PHACTR1: variants seen among roughly 807,000 people sequenced by gnomAD.
PHACTR1 encodes phosphatase and actin regulator 1, also known as RPEL repeat containing 1.
Under a neutral mutation model 69.2 loss-of-function variants are expected in PHACTR1, and 16 were observed. That is an observed-to-expected ratio of 0.23 (90% CI 0.16 to 0.35). The LOEUF (loss-of-function observed/expected upper bound fraction) is 0.35, where lower values mean the gene tolerates loss of function less well. Ranked by LOEUF, PHACTR1 falls within the 10% of genes least tolerant of loss-of-function variation. The probability of loss-of-function intolerance (pLI) is 1.00; values close to 1 mark genes in which losing one functional copy is unlikely to be tolerated. For missense variants in PHACTR1, 510 were observed against 734.7 expected, an observed-to-expected ratio of 0.69 and a Z score of 3.54; for synonymous variants, 312 against 284.5, an observed-to-expected ratio of 1.10 and a Z score of -0.97.
At chr6:13,010,327 C>G (rs1479484596) in intron 4 of PHACTR1, among the ~76,000 whole-genome samples, 1 of 152,126 alleles carries the variant, frequency 6.6e-6, no homozygotes, top group Non-Finnish European at 1.5e-5. Flanking sequence ...AGGGTTTCAC[C>G]ATGTTGGCCA....
At chr6:13,072,556 GT>G (rs1554121061) in intron 5 of PHACTR1, among the ~76,000 whole-genome samples, 1 of 151,530 alleles carries the variant, frequency 6.6e-6, no homozygotes, top group Non-Finnish European at 1.5e-5. Flanking sequence ...TCTCTTTTTT[GT>G]TTTTTAAAGT....
chr6:13,244,249 A>G (rs577863875), intron 10 of PHACTR1, among the ~76,000 whole-genome samples: 13 of 151,868 alleles, frequency 8.6e-5, no homozygotes, highest in African/African-American at 2.9e-4. Context: ...GGTGACAGAC[A>G]TCAAGTACTT....
Position 13,133,362 on chromosome 6 carries a change from T to G in PHACTR1, c.416-26842T>G, listed in dbSNP as rs541700233. ...ATGCCAAACGGAGGCCGGACTGTAA[T>G]GCCGCCATCTCGGCTCACTGCACCC... On this transcript the variant is annotated intron_variant, in intron 5 of 14. Transcript: ENST00000332995. 6.6e-5 allele frequency among the ~76,000 whole-genome samples: 10 copies of G among 151,508 alleles called. No homozygotes were observed. The East Asian group carries it at 1.8e-3, about 27-fold the overall frequency.
At chr6:13,157,531 G>A (rs942422404) in intron 5 of PHACTR1, among the ~76,000 whole-genome samples, 4 of 152,192 alleles carry the variant, frequency 2.6e-5, no homozygotes, top group African/African-American at 9.7e-5. Context: ...TGTCCAGATG[G>A]CTGAGTGCTT....
intron 3 of PHACTR1, among the ~76,000 whole-genome samples, chr6:12,726,200 T>C (rs537886512): frequency 8.5e-5 from 13 of 152,316 alleles, no homozygotes; most frequent in Admixed American, 8.5e-4. Flanking sequence ...ATCAATCTTT[T>C]AAAATAGACT....
intron 4 of PHACTR1, among the ~76,000 whole-genome samples, chr6:12,994,947 A>G (rs2127612547): frequency 6.6e-6 from 1 of 152,288 alleles, no homozygotes; most frequent in East Asian, 1.9e-4. Flanking sequence ...GAGTTTGTTA[A>G]TCATAGACCC....
intron 4 of PHACTR1, among the ~76,000 whole-genome samples, chr6:12,888,578 A>G (rs1217152106): frequency 6.6e-6 from 1 of 152,206 alleles, no homozygotes; most frequent in Non-Finnish European, 1.5e-5. Flanking sequence ...ACTCTTTTAA[A>G]TGCCCATTAA....
intron 4 of PHACTR1, among the ~76,000 whole-genome samples, chr6:12,754,178 T>A (rs1370042964): frequency 2.0e-5 from 3 of 148,866 alleles, no homozygotes. Flanking sequence ...TTTCACTGTA[T>A]TAGACAAGAT....
intron 5 of PHACTR1, among the ~76,000 whole-genome samples, chr6:13,054,348 C>T (rs539990129): frequency 3.3e-5 from 5 of 152,294 alleles, no homozygotes; most frequent in African/African-American, 9.6e-5. Context: ...TTTGACTTCA[C>T]CCCATTGGGT....
At chr6:13,041,637 C>T (rs1804193737) in intron 4 of PHACTR1, among the ~76,000 whole-genome samples, 1 of 152,144 alleles carries the variant, frequency 6.6e-6, no homozygotes, top group African/African-American at 2.4e-5. Context: ...CTCTATCATC[C>T]TACACTTAAT....
At chr6:12,880,026 G>C (rs772822268) in intron 4 of PHACTR1, among the ~76,000 whole-genome samples, 43 of 152,122 alleles carry the variant, frequency 2.8e-4, no homozygotes, top group Non-Finnish European at 3.1e-4. Flanking sequence ...AACATCTATT[G>C]AGTGTTTATT....
chr6:12,908,217 C>CAAA (rs1282484039), intron 4 of PHACTR1, among the ~76,000 whole-genome samples: 4 of 152,166 alleles, frequency 2.6e-5, no homozygotes, highest in Admixed American at 1.3e-4. Context: ...TAGGACAACC[C>CAAA]TTCAAATTCT....
intron 3 of PHACTR1, among the ~76,000 whole-genome samples, chr6:12,730,451 G>A (rs1763351266): frequency 6.7e-6 from 1 of 149,652 alleles, no homozygotes; most frequent in Non-Finnish European, 1.5e-5. Context: ...ACACTTATAA[G>A]GTCATTTAAA....
At chr6:13,203,082 C>A (rs1765446026) in intron 7 of PHACTR1, among the ~76,000 whole-genome samples, 1 of 152,216 alleles carries the variant, frequency 6.6e-6, no homozygotes, top group African/African-American at 2.4e-5. Flanking sequence ...AGTTTAGTGT[C>A]CATATGCCAC....
intron 4 of PHACTR1, among the ~76,000 whole-genome samples, chr6:12,767,389 A>G (rs1768764644): frequency 6.6e-6 from 1 of 152,220 alleles, no homozygotes; most frequent in African/African-American, 2.4e-5. Context: ...GGAAGCCTCT[A>G]TAAATCATAT....
chr6:12,918,430 G>T (rs1787256488), intron 4 of PHACTR1, among the ~76,000 whole-genome samples: 1 of 152,100 alleles, frequency 6.6e-6, no homozygotes, highest in South Asian at 2.1e-4. Context: ...ATACTTAATT[G>T]CATCTCTACC....
chr6:13,221,575 G>A (rs1362341981), intron 8 of PHACTR1, among the ~76,000 whole-genome samples: 2 of 152,184 alleles, frequency 1.3e-5, no homozygotes, highest in African/African-American at 4.8e-5. Context: ...CACCCCTCTG[G>A]TTGTGTGACC....
At chr6:13,006,876 G>A (rs867942193) in intron 4 of PHACTR1, among the ~76,000 whole-genome samples, 6 of 152,290 alleles carry the variant, frequency 3.9e-5, no homozygotes, top group Non-Finnish European at 4.4e-5. Context: ...TTGAACTTCA[G>A]TTATCTTTTA....
At chr6:12,967,889 T>G (rs1418226865) in intron 4 of PHACTR1, among the ~76,000 whole-genome samples, 2 of 152,244 alleles carry the variant, frequency 1.3e-5, no homozygotes, top group Non-Finnish European at 2.9e-5. Flanking sequence ...AGAAAGCTTT[T>G]ATGAGCCATT....
Sources: allele counts gnomAD v4.1 joint callset (sites outside exome capture counted in the v4.1 genomes callset), GRCh38; gene constraint gnomAD v4.1.1; transcripts MANE v1.5; gene names NCBI Gene and HGNC (gene_info 2026-07-23, HGNC 2026-07-21).